Variants in DNA2 observed in about 807,000 individuals in gnomAD.
DNA2 encodes DNA replication helicase/nuclease 2, also known as DNA replication ATP-dependent helicase/nuclease DNA2.
A neutral mutation model predicts 119.1 loss-of-function variants in DNA2; 101 were observed. The observed-to-expected ratio is 0.85, with a 90% CI of 0.72 to 1.00. DNA2 has a LOEUF of 1.00. Among genes scored for constraint, DNA2 ranks in the 50% least tolerant of loss-of-function variants. The pLI, the probability that DNA2 is intolerant of heterozygous loss-of-function variation, is 0.00. For missense variants in DNA2, 1,121 were observed against 1,255.5 expected, an observed-to-expected ratio of 0.89 and a Z score of 1.62; for synonymous variants, 366 against 424.4, an observed-to-expected ratio of 0.86 and a Z score of 1.69.
chr10:68,421,477 G>A (rs571357935), intron 17 of DNA2, among the ~76,000 whole-genome samples: 7 of 152,116 alleles, frequency 4.6e-5, no homozygotes, highest in South Asian at 2.1e-4. Flanking sequence ...ATTTTGGGCC[G>A]GGCACAGTGG....
At chr10:68,416,356 C>T (rs1243209482) in intron 20 of DNA2, among the ~76,000 whole-genome samples, 2 of 152,090 alleles carry the variant, frequency 1.3e-5, no homozygotes, top group East Asian at 3.9e-4. Context: ...GGCCCAGCTA[C>T]TGGGGAGGCT....
chr10:68,456,293 G>T (rs1000796368), intron 5 of DNA2, among the ~76,000 whole-genome samples: 4 of 152,174 alleles, frequency 2.6e-5, no homozygotes, highest in Admixed American at 6.6e-5. Context: ...GGAGCCTGCT[G>T]TAGTTATACA....
chr10:68,466,639 C>T (rs1202358414), intron 3 of DNA2, among the ~76,000 whole-genome samples: 1 of 150,922 alleles, frequency 6.6e-6, no homozygotes, highest in Non-Finnish European at 1.5e-5. Flanking sequence ...AGTGCAGCCG[C>T]GCGACTTTTG....
intron 9 of DNA2, among the ~76,000 whole-genome samples, chr10:68,438,143 G>A (rs2051916748): frequency 6.6e-6 from 1 of 152,154 alleles, no homozygotes; most frequent in Non-Finnish European, 1.5e-5. Context: ...TCCCTGAGGG[G>A]TAGATACCCC....
chr10:68,461,125 C>T (rs1441458824), intron 4 of DNA2, among the ~76,000 whole-genome samples: 2 of 152,080 alleles, frequency 1.3e-5, no homozygotes, highest in African/African-American at 4.8e-5. Context: ...ATCAGCCTTA[C>T]AACATGAAAG....
Position 68,414,669 on chromosome 10 carries a change from T to C in DNA2, c.*370A>G, listed in dbSNP as rs1369451261. 6.1e-6 allele frequency: 1 copy of C among 164,718 alleles called. No individual in the cohort carries two copies. The highest frequency in any genetic ancestry group is 2.4e-5 in the African/African-American group (1 of 42,004). 10.2% of individuals were successfully genotyped at this position (164,718 alleles called of 1,614,324 possible). On this transcript the variant is annotated 3_prime_UTR_variant, in exon 21 of 21. Transcript: ENST00000358410. ...ACAGAAAAGAATCACACTTATGTTC[T>C]CATCATCACAAGACTGTGCTTAAAT...
Position 68,432,283 on chromosome 10 carries a change from C to T in DNA2, c.1796G>A (p.Arg599His), listed in dbSNP as rs201999986. 1.3e-3 allele frequency: 2,022 copies of T among 1,608,578 alleles called. 8 individuals carry two copies. The highest frequency in any genetic ancestry group is 3.2e-3 in the South Asian group (283 of 89,460). Residue 599 changes from arginine to histidine, a missense_variant, in exon 12 of 21, where the codon CGT (arginine) becomes CAT (histidine). Physicochemically the swap from Arg to His is conservative, Grantham distance 29. Coordinates refer to ENST00000358410, the MANE Select transcript of DNA2 (RefSeq NM_001080449.3). ...KKLRDLIIDF[R>H]EPQFISYLSS... ...AAGGTAGGATATAAACTGAGGTTCA[C>T]GAAAGTCAATAATTAAATCTCGAAG...
chr10:68,419,028 A>T lies in DNA2; in HGVS notation c.2967+6T>A. 1 of 1,580,718 alleles carries T rather than the reference A, an allele frequency of 6.3e-7. No individual in the cohort carries two copies. The highest frequency in any genetic ancestry group is 8.6e-7 in the Non-Finnish European group (1 of 1,167,242). ...AATGAATCAGTAGCAAACACAATTA[A>T]CTCACAGTTCCATCCTTATTACTTC... On this transcript the variant is annotated splice_donor_region_variant and intron_variant, in intron 19 of 20. Coordinates refer to ENST00000358410, the MANE Select transcript of DNA2 (RefSeq NM_001080449.3).
rs73274785 is a variant in DNA2 at position 68,422,577 on chromosome 10, G to A, written c.2430C>T (p.Phe810=). Residue 810 remains phenylalanine, a synonymous_variant, in exon 16 of 21, where the codon TTC becomes TTT. Coordinates refer to ENST00000358410, the MANE Select transcript of DNA2 (RefSeq NM_001080449.3). ...CACTCTTATTCTGCTCCAGCCTCTT[G>A]AATAAGCTTTCACTCATGCCAAGAG... ...ARALGMSESL[F]KRLEQNKSAV... The A allele has an allele frequency of 3.2e-5, 51 of 1,614,016 alleles. No individual in the cohort carries two copies. The East Asian group carries it at 1.1e-3, about 35-fold the overall frequency.
chr10:68,470,581 C>T (rs1308914224), intron 1 of DNA2: 2 of 453,350 alleles, frequency 4.4e-6, no homozygotes, highest in Non-Finnish European at 8.8e-6. Flanking sequence ...GCTACTGCAC[C>T]CCTTCCTGAG....
rs144582931 is a variant in DNA2, at chr10:68,465,307, G to A, written c.587+360C>T. ...GCTGGGATTACAGGCGTGAGCCACC[G>A]CACCTGGCCGTAAAGATGCACTTTG... is the stretch of plus-strand genomic sequence containing the variant. On this transcript the variant is annotated intron_variant, in intron 4 of 20. Transcript: ENST00000358410. Among the ~76,000 whole-genome samples the A allele has an allele frequency of 3.6e-3, 544 of 152,130 alleles. 3 individuals carry two copies. The highest frequency in any genetic ancestry group is 0.012 in the African/African-American group (505 of 41,504).
At chr10:68,432,570 A>C in intron 10 of DNA2, 60 bp from the exon 11 acceptor site, 1 of 915,612 alleles carries the variant, frequency 1.1e-6, no homozygotes, top group Non-Finnish European at 1.7e-6. Flanking sequence ...TGTATAAGAA[A>C]TATGCTGCTA....
rs772440931 is a variant in DNA2, at chr10:68,450,171, A to C, written c.796T>G (p.Trp266Gly). ...VKPMDIEESI[W>G]SPRFGLKGKI... ...CCTTTCAATCCAAACCTAGGGGACCAAATGCTTTCTTCAATATCCATTGGT... is the reference window on the plus strand; with the variant it reads ...CCTTTCAATCCAAACCTAGGGGACCCAATGCTTTCTTCAATATCCATTGGT... The change falls in exon 6 of 21, where the codon TGG becomes GGG. Residue 266 changes from tryptophan (W) to glycine (G), a missense_variant. Transcript: ENST00000358410. The C allele has an allele frequency of 6.8e-6, 11 of 1,607,358 alleles. No individual in the cohort carries two copies. The highest frequency in any genetic ancestry group is 1.3e-5 in the African/African-American group (1 of 74,870).
intron 3 of DNA2, among the ~76,000 whole-genome samples, chr10:68,467,494 G>A (rs1015564137): frequency 6.6e-6 from 1 of 152,096 alleles, no homozygotes; most frequent in Non-Finnish European, 1.5e-5. Flanking sequence ...TGGGTGTTGA[G>A]TACATGGGAG....
chr10:68,426,323 A>G (rs2051740167), intron 14 of DNA2, among the ~76,000 whole-genome samples: 1 of 148,562 alleles, frequency 6.7e-6, no homozygotes, highest in South Asian at 2.2e-4. Context: ...GGATCACCTG[A>G]GGTCAGAAGT....
intron 3 of DNA2, among the ~76,000 whole-genome samples, chr10:68,466,487 T>A (rs1481017516): frequency 6.6e-6 from 1 of 152,156 alleles, no homozygotes. Flanking sequence ...AAAAAAATTT[T>A]TTTAACCTAC....
chr10:68,424,082 T>C (rs2051702538), intron 14 of DNA2, among the ~76,000 whole-genome samples: 1 of 152,178 alleles, frequency 6.6e-6, no homozygotes, highest in Non-Finnish European at 1.5e-5. Context: ...CTGACCAAGA[T>C]TTTAAAGCAG....
chr10:68,430,504 C>G lies in DNA2; in HGVS notation c.2140G>C (p.Glu714Gln). 1 of 1,612,006 alleles carries G rather than the reference C, an allele frequency of 6.2e-7. No homozygotes were observed. Among genetic ancestry groups the G allele is most frequent in the Non-Finnish European group, 8.5e-7 (1 of 1,179,024 alleles). The change falls in exon 14 of 21, where the codon GAG (glutamate) becomes CAG (glutamine). Residue 714 changes from glutamate to glutamine, a missense_variant. Physicochemically the swap from Glu to Gln is conservative, Grantham distance 29. Transcript: ENST00000358410. ...GACTTTGATCTGCAAATTTCTTGCT[C>G]TGTAAATTGCTGGATAGCTGGATGA... is the stretch of plus-strand genomic sequence containing the variant. ...KVHPAIQQFT[E>Q]QEICRSKSIK... is the part of the protein sequence containing the mutation.
At position 68,443,108 on chromosome 10, in the gene DNA2, T is replaced by C. The variant is rs1354287139; in HGVS notation, c.1224A>G (p.Ala408=). The change falls in exon 9 of 21, where the codon GCA becomes GCG. Residue 408 remains alanine (A), a synonymous_variant. Transcript: ENST00000358410. ...QIGNCALYSR[A]VEQQMDCSSV... is the part of the protein sequence containing the mutation. The stretch of plus-strand genomic sequence containing the variant: ...AACTACAATCCATCTGTTGTTCAAC[T>C]GCTCTAAATATAAAGTTCCAAGTTA... The C allele has an allele frequency of 6.4e-7, 1 of 1,557,034 alleles. No individual in the cohort carries two copies. The highest frequency in any genetic ancestry group is 1.2e-5 in the South Asian group (1 of 83,442).
Sources: gnomAD v4.1 joint callset for allele counts (sites outside exome capture counted in the v4.1 genomes callset) on GRCh38, gnomAD v4.1.1 for gene constraint, MANE v1.5 for transcripts, NCBI Gene and HGNC (gene_info 2026-07-23, HGNC 2026-07-21) for gene names.